The following TFAP2E variants were observed in gnomAD, a reference collection of about 807,000 sequenced individuals.
The protein encoded by TFAP2E is transcription factor AP-2-epsilon.
Under a neutral mutation model 37.9 loss-of-function variants are expected in TFAP2E, and 30 were observed. The observed-to-expected ratio is 0.79, with a 90% CI of 0.59 to 1.07. TFAP2E has a LOEUF of 1.07. Ranked by LOEUF, TFAP2E falls within the 50% of genes least tolerant of loss-of-function variation. The probability of loss-of-function intolerance (pLI) is 0.00; values close to 1 mark genes in which losing one functional copy is unlikely to be tolerated. For missense variants in TFAP2E, 567 were observed against 637.9 expected (o/e 0.89, Z 1.20); for synonymous variants, 318 against 295.8 (o/e 1.08, Z -0.77).
intron 3 of TFAP2E, among the ~76,000 whole-genome samples, chr1:35,587,574 G>A (rs1557437214): frequency 6.8e-6 from 1 of 148,104 alleles, no homozygotes. Flanking sequence ...GGAGGCAGAG[G>A]TTGCGGTGAG....
At chr1:35,584,273 A>C (rs1408615724) in intron 3 of TFAP2E, among the ~76,000 whole-genome samples, 2 of 151,926 alleles carry the variant, frequency 1.3e-5, no homozygotes, top group Non-Finnish European at 1.5e-5. Flanking sequence ...AACTTAAAAA[A>C]ATTTTTTTTT....
At position 35,588,574 on chromosome 1, in the gene TFAP2E, TC is replaced by T; in HGVS notation, c.785+26del. Reference sequence around the variant, plus strand: ...GCAGGTAGGAAGGCCAGCCCACAATTCCCCGCCTGATTGGATCCCTGGCCTC... The same window carrying T: ...GCAGGTAGGAAGGCCAGCCCACAATTCCCGCCTGATTGGATCCCTGGCCTC... On this transcript the variant is annotated intron_variant, in intron 4 of 6. Transcript: ENST00000373235. The surrounding 1 kb of genome is among the most constrained non-coding windows in gnomAD (Gnocchi z 5.1). 6.5e-7 allele frequency: 1 copy of T among 1,548,028 alleles called. No homozygotes were observed. Among genetic ancestry groups the T allele is most frequent in the Non-Finnish European group, 8.7e-7 (1 of 1,144,904 alleles).
intron 3 of TFAP2E, among the ~76,000 whole-genome samples, chr1:35,579,971 C>A (rs915764262): frequency 2.6e-5 from 4 of 152,154 alleles, no homozygotes; most frequent in African/African-American, 9.6e-5. Context: ...CTTTGGGAGG[C>A]CGAGGCAGGT....
rs1163992313 is a variant in TFAP2E at position 35,594,412 on chromosome 1, T to G, written c.1065T>G (p.Phe355Leu). Residue 355 changes from phenylalanine to leucine, a missense_variant, in exon 7 of 7, where the codon TTT becomes TTG. Physicochemically the swap from Phe to Leu is conservative, Grantham distance 22. Coordinates refer to ENST00000373235, the MANE Select transcript of TFAP2E (RefSeq NM_178548.4). ...GCACCAGGCAGATCTGCAAGGAGTT[T>G]GCAGACTTGATGGCTCAGGACCGCT... ...LLAAKQICKE[F>L]ADLMAQDRSP... is the part of the protein sequence containing the mutation. 6.2e-7 allele frequency: 1 copy of G among 1,613,696 alleles called. No homozygotes were observed. Among genetic ancestry groups the G allele is most frequent in the African/African-American group, 1.3e-5 (1 of 75,018 alleles).
intron 6 of TFAP2E, 134 bp from the exon 7 acceptor site, chr1:35,594,260 T>C (rs1649765391): frequency 1.8e-6 from 2 of 1,118,272 alleles, no homozygotes; most frequent in Non-Finnish European, 2.5e-6. Context: ...AAAAACAGTA[T>C]GGTCATCATT....
chr1:35,577,656 C>T lies in TFAP2E; in HGVS notation c.562+2656C>T, dbSNP rs1649219131. 7.2e-5 allele frequency: 22 copies of T among 306,388 alleles called. No individual in the cohort carries two copies. Among genetic ancestry groups the T allele is most frequent in the South Asian group, 4.8e-4 (19 of 39,360 alleles). 19.0% of individuals were successfully genotyped at this position (306,388 alleles called of 1,614,324 possible). The stretch of plus-strand genomic sequence containing the variant: ...CCCACCCCAGAAGCGGCCTTCGCAT[C>T]GCTGCGGTGGGCGTTCTCGGGCTTC... On this transcript the variant is annotated intron_variant, in intron 3 of 6. Transcript: ENST00000373235. This position sits in a 1 kb window ranked among gnomAD's most constrained non-coding sequence, Gnocchi z 6.3.
Position 35,594,655 on chromosome 1 carries a change from G to A in TFAP2E, c.1308G>A (p.Lys436=). The change falls in exon 7 of 7, where the codon AAG becomes AAA. Residue 436 remains lysine (K), a synonymous_variant. Coordinates refer to ENST00000373235, the MANE Select transcript of TFAP2E (RefSeq NM_178548.4). ...SGHGETKASE[K]DAKHRK ...ATGGTGAAACCAAGGCTTCGGAGAAGGATGCCAAGCATCGGAAATAACTGC... is the reference window on the plus strand; with the variant it reads ...ATGGTGAAACCAAGGCTTCGGAGAAAGATGCCAAGCATCGGAAATAACTGC... 6.2e-7 allele frequency: 1 copy of A among 1,614,086 alleles called. No homozygotes were observed. The highest frequency in any genetic ancestry group is 8.5e-7 in the Non-Finnish European group (1 of 1,180,044).
intron 3 of TFAP2E, among the ~76,000 whole-genome samples, chr1:35,575,871 G>C (rs1649153964): frequency 6.6e-6 from 1 of 152,168 alleles, no homozygotes; most frequent in Non-Finnish European, 1.5e-5. Flanking sequence ...TAAAATCCAG[G>C]GACACGGGAT....
chr1:35,594,727 C>T lies in TFAP2E; in HGVS notation c.*51C>T, dbSNP rs1251730907. On this transcript the variant is annotated 3_prime_UTR_variant, in exon 7 of 7. Transcript: ENST00000373235. ...GGGCTCCCAGGCCCTGAAATAGGGA[C>T]TTAGCTCTTGGGGGTGGGCCTGGAA... The T allele has an allele frequency of 1.2e-6, 2 of 1,608,986 alleles. No homozygotes were observed. The highest frequency in any genetic ancestry group is 1.1e-5 in the South Asian group (1 of 90,906).
Position 35,588,203 on chromosome 1 carries a change from C to G in TFAP2E, c.563-127C>G, listed in dbSNP as rs1649545024. The G allele has an allele frequency of 2.2e-6, 2 of 918,180 alleles. No individual in the cohort carries two copies. Among genetic ancestry groups the G allele is most frequent in the Non-Finnish European group, 3.2e-6 (2 of 628,010 alleles). 56.9% of individuals were successfully genotyped at this position (918,180 alleles called of 1,614,324 possible). On this transcript the variant is annotated intron_variant, in intron 3 of 6. Transcript: ENST00000373235. This position sits in a 1 kb window ranked among gnomAD's most constrained non-coding sequence, Gnocchi z 5.1. ...AGTTCACATCCATCAGTTGAGGGAA[C>G]TTGGGCGAGTCACTTTCACCTCACT... is the stretch of plus-strand genomic sequence containing the variant.
Position 35,573,348 on chromosome 1 carries a change from C to T in TFAP2E, c.-230C>T. ...AGGGCGGGCGCTGGGCACCCGTTGA[C>T]CGACTTTTCCAAGTGCGATCAGTGC... On this transcript the variant is annotated 5_prime_UTR_variant, in exon 1 of 7. Coordinates refer to ENST00000373235, the MANE Select transcript of TFAP2E (RefSeq NM_178548.4). The surrounding 1 kb of genome is among the most constrained non-coding windows in gnomAD (Gnocchi z 5.9). The T allele has an allele frequency of 2.1e-6, 1 of 470,198 alleles. No individual in the cohort carries two copies. Among genetic ancestry groups the T allele is most frequent in the Non-Finnish European group, 3.6e-6 (1 of 276,632 alleles). The allele number at this position is 470,198 out of a possible 1,614,324, so 29.1% of individuals were successfully genotyped here.
chr1:35,574,292 C>A lies in TFAP2E; in HGVS notation c.393C>A (p.Asp131Glu). 3 of 1,447,948 alleles carry A rather than the reference C, an allele frequency of 2.1e-6. No individual in the cohort carries two copies. The highest frequency in any genetic ancestry group is 2.7e-6 in the Non-Finnish European group (3 of 1,105,726). The allele number at this position is 1,447,948 out of a possible 1,614,324, so 89.7% of individuals were successfully genotyped here. A position where few individuals can be genotyped will look rare whatever the true frequency, so the allele number is the denominator to read the frequency against. The change falls in exon 2 of 7, where the codon GAC becomes GAA. Residue 131 changes from aspartate (D) to glutamate (E), a missense_variant. By Grantham distance (45) the Asp-to-Glu change is conservative. Coordinates refer to ENST00000373235, the MANE Select transcript of TFAP2E (RefSeq NM_178548.4). ...ARALGLDPRR[D>E]YATAVPRLLH... The stretch of plus-strand genomic sequence containing the variant: ...CCCTGGGCCTTGACCCGCGCCGTGA[C>A]TATGCCACTGCCGTGCCCCGGCTCC...
rs1235912948 is a variant in TFAP2E at position 35,594,916 on chromosome 1, T to G, written c.*240T>G. 1.7e-6 allele frequency: 1 copy of G among 580,992 alleles called. No individual in the cohort carries two copies. Among genetic ancestry groups the G allele is most frequent in the East Asian group, 3.0e-5 (1 of 33,742 alleles). 36.0% of individuals were successfully genotyped at this position (580,992 alleles called of 1,614,324 possible). On this transcript the variant is annotated 3_prime_UTR_variant, in exon 7 of 7. Coordinates refer to ENST00000373235, the MANE Select transcript of TFAP2E (RefSeq NM_178548.4). ...TCTCATGTGTGCAATTTTCTGACCT[T>G]TGATGGTTGAGAAGGGTTTGGACAG...
chr1:35,593,894 G>A (rs1254250050), intron 6 of TFAP2E, among the ~76,000 whole-genome samples: 1 of 152,182 alleles, frequency 6.6e-6, no homozygotes, highest in African/African-American at 2.4e-5. Flanking sequence ...CCGTATGATG[G>A]GGATAATAAT....
Position 35,583,434 on chromosome 1 carries a change from C to T in TFAP2E, c.563-4896C>T, listed in dbSNP as rs757740363. Among the ~76,000 whole-genome samples, 35 of 152,106 alleles carry T rather than the reference C, an allele frequency of 2.3e-4. 1 individual carries two copies. The highest frequency in any genetic ancestry group is 2.2e-3 in the Admixed American group (34 of 15,262). On this transcript the variant is annotated intron_variant, in intron 3 of 6. Coordinates refer to ENST00000373235, the MANE Select transcript of TFAP2E (RefSeq NM_178548.4). ...GTAGGATTACAGGTGTAAGCCAGGA[C>T]GCCTGGCCTTCCATGTTTTCTTCTA...
chr1:35,573,902 C>T lies in TFAP2E; in HGVS notation c.28-25C>T. On this transcript the variant is annotated intron_variant, in intron 1 of 6. Coordinates refer to ENST00000373235, the MANE Select transcript of TFAP2E (RefSeq NM_178548.4). The surrounding 1 kb of genome is among the most constrained non-coding windows in gnomAD (Gnocchi z 5.9). ...GTCCTTTCAGCTGCCAGTGGGTCAC[C>T]TAAGGCACCCCTCTCCTTCCCCAGG... 4.8e-6 allele frequency: 7 copies of T among 1,446,392 alleles called. No individual in the cohort carries two copies. The highest frequency in any genetic ancestry group is 1.5e-5 in the South Asian group (1 of 67,330). The allele number at this position is 1,446,392 out of a possible 1,614,324, so 89.6% of individuals were successfully genotyped here.
chr1:35,587,058 G>C (rs1649502095), intron 3 of TFAP2E, among the ~76,000 whole-genome samples: 1 of 152,180 alleles, frequency 6.6e-6, no homozygotes, highest in African/African-American at 2.4e-5. Context: ...GCCCCTTGTG[G>C]GTTGTTCCAA....
intron 6 of TFAP2E, among the ~76,000 whole-genome samples, chr1:35,593,126 C>T (rs1269307957): frequency 6.6e-6 from 1 of 152,120 alleles, no homozygotes; most frequent in Non-Finnish European, 1.5e-5. Flanking sequence ...GATCAGATCG[C>T]TTGAGCCCAG....
intron 2 of TFAP2E, chr1:35,574,617 G>A: frequency 1.1e-6 from 1 of 870,674 alleles, no homozygotes; most frequent in Non-Finnish European, 1.7e-6. Context: ...AGCAGTGCGT[G>A]GGTGGCAGCA....
Sources: gnomAD v4.1 joint callset for allele counts (sites outside exome capture counted in the v4.1 genomes callset) on GRCh38, gnomAD v4.1.1 for gene constraint, Gnocchi (gnomAD v3.1) non-coding constraint, MANE v1.5 for transcripts, NCBI Gene and HGNC (gene_info 2026-07-23, HGNC 2026-07-21) for gene names.